Variants in GALNT13 observed in about 807,000 individuals in gnomAD.
The protein encoded by GALNT13 is UDP-GalNAc:polypeptide N-acetylgalactosaminyltransferase 13.
Under a neutral mutation model 64.2 loss-of-function variants are expected in GALNT13, and 28 were observed. The observed-to-expected ratio is 0.44, with a 90% CI of 0.32 to 0.60. GALNT13 has a LOEUF of 0.60. GALNT13 is among the 20% of genes least tolerant of loss of function. The probability of loss-of-function intolerance (pLI) is 0.05; values close to 1 mark genes in which losing one functional copy is unlikely to be tolerated. For synonymous variants in GALNT13, 214 were observed against 224.6 expected (o/e 0.95, Z 0.42); for missense variants, 577 against 669.8 (o/e 0.86, Z 1.53).
the GALNT13 span, among the ~76,000 whole-genome samples, chr2:153,299,590 C>G: frequency 6.6e-6 from 1 of 152,202 alleles, no homozygotes; most frequent in Non-Finnish European, 1.5e-5. Context: ...TAGCCAGTCT[C>G]TCTCTCTTCC....
chr2:153,145,783 A>G, the GALNT13 span, among the ~76,000 whole-genome samples: 1 of 151,914 alleles, frequency 6.6e-6, no homozygotes, highest in South Asian at 2.1e-4. Flanking sequence ...ATCTGTGGCC[A>G]TGAAGGATAG....
the GALNT13 span, among the ~76,000 whole-genome samples, chr2:153,454,051 A>G: frequency 6.6e-6 from 1 of 152,178 alleles, no homozygotes; most frequent in African/African-American, 2.4e-5. Flanking sequence ...CTCACTTATA[A>G]GCAGGAGCTA....
intron 3 of GALNT13, among the ~76,000 whole-genome samples, chr2:153,957,855 A>G (rs1692678884): frequency 6.6e-6 from 1 of 152,140 alleles, no homozygotes; most frequent in South Asian, 2.1e-4. Context: ...TTTTTCCCAC[A>G]GCAGAGCAAG....
chr2:153,910,364 T>C (rs1033927941), intron 2 of GALNT13, among the ~76,000 whole-genome samples: 12 of 152,068 alleles, frequency 7.9e-5, no homozygotes, highest in African/African-American at 2.9e-4. Context: ...ATCCATCTTT[T>C]TAATTTTCTC....
chr2:153,501,477 G>A, the GALNT13 span, among the ~76,000 whole-genome samples: 82 of 152,126 alleles, frequency 5.4e-4, no homozygotes, highest in African/African-American at 1.7e-3. Flanking sequence ...AATTACAGGC[G>A]CAAACCACCA....
At chr2:153,086,466 G>T in the GALNT13 span, among the ~76,000 whole-genome samples, 5 of 152,148 alleles carry the variant, frequency 3.3e-5, no homozygotes, top group South Asian at 1.0e-3. Context: ...TTCCCATACT[G>T]TTCTCATGGT....
the GALNT13 span, among the ~76,000 whole-genome samples, chr2:153,793,711 G>A: frequency 2.7e-5 from 4 of 150,788 alleles, no homozygotes; most frequent in African/African-American, 9.7e-5. Context: ...TGTATCAAAG[G>A]AAAATTTAAA....
the GALNT13 span, among the ~76,000 whole-genome samples, chr2:153,760,166 G>C: frequency 1.3e-5 from 2 of 151,168 alleles, no homozygotes; most frequent in Non-Finnish European, 2.9e-5. Flanking sequence ...TATTTGAATT[G>C]ACTCTCTTTT....
At chr2:153,211,180 C>G in the GALNT13 span, among the ~76,000 whole-genome samples, 2 of 151,560 alleles carry the variant, frequency 1.3e-5, no homozygotes, top group African/African-American at 4.8e-5. Flanking sequence ...GCTTTGTCAC[C>G]CACCCAGGCT....
At chr2:153,706,550 A>G in the GALNT13 span, among the ~76,000 whole-genome samples, 8 of 152,214 alleles carry the variant, frequency 5.3e-5, no homozygotes, top group African/African-American at 1.7e-4. Context: ...CTACTCCTCA[A>G]TCATTTCCAG....
the GALNT13 span, among the ~76,000 whole-genome samples, chr2:153,396,433 T>C: frequency 0.014 from 2,180 of 152,074 alleles, 67 homozygotes; most frequent in African/African-American, 0.05. Flanking sequence ...AAAGTGCTGG[T>C]CAAGGATTGT....
At chr2:153,815,813 T>G in the GALNT13 span, among the ~76,000 whole-genome samples, 1 of 152,208 alleles carries the variant, frequency 6.6e-6, no homozygotes, top group African/African-American at 2.4e-5. Context: ...TTCAATAAAA[T>G]GTGCTGAAGG....
chr2:153,675,276 G>A, the GALNT13 span, among the ~76,000 whole-genome samples: 2 of 152,156 alleles, frequency 1.3e-5, no homozygotes, highest in Non-Finnish European at 2.9e-5. Flanking sequence ...GTTTGCAATA[G>A]CAAAGACTTG....
intron 3 of GALNT13, among the ~76,000 whole-genome samples, chr2:154,102,201 A>G (rs1208483298): frequency 1.3e-5 from 2 of 152,018 alleles, no homozygotes; most frequent in African/African-American, 4.8e-5. Flanking sequence ...TTCTTTGTTG[A>G]TTTTCTATCT....
chr2:153,858,460 C>G, the GALNT13 span, among the ~76,000 whole-genome samples: 1 of 152,138 alleles, frequency 6.6e-6, no homozygotes, highest in African/African-American at 2.4e-5. Context: ...TTACAGTAGT[C>G]CCCTCTTATT....
chr2:153,526,363 T>C, the GALNT13 span, among the ~76,000 whole-genome samples: 7 of 152,108 alleles, frequency 4.6e-5, no homozygotes, highest in African/African-American at 1.7e-4. Flanking sequence ...AGACAGAAAC[T>C]CCATTTGCTT....
chr2:153,686,451 T>G, the GALNT13 span, among the ~76,000 whole-genome samples: 1 of 152,142 alleles, frequency 6.6e-6, no homozygotes, highest in East Asian at 1.9e-4. Context: ...TCAACTTGAC[T>G]GTTGTCAAGG....
At chr2:153,593,959 C>T in the GALNT13 span, among the ~76,000 whole-genome samples, 10 of 152,000 alleles carry the variant, frequency 6.6e-5, no homozygotes, top group Admixed American at 5.9e-4. Context: ...CAATAACTTG[C>T]CGTAAAATAA....
At chr2:153,836,203 G>A in the GALNT13 span, among the ~76,000 whole-genome samples, 2 of 152,006 alleles carry the variant, frequency 1.3e-5, no homozygotes, top group Non-Finnish European at 2.9e-5. Context: ...AAGACAAGGA[G>A]AAAATGTTTT....
Sources: gnomAD v4.1 joint callset for allele counts (sites outside exome capture counted in the v4.1 genomes callset) on GRCh38, gnomAD v4.1.1 for gene constraint, MANE v1.5 for transcripts, NCBI Gene and HGNC (gene_info 2026-07-23, HGNC 2026-07-21) for gene names.